Variants in MYO16 observed in about 807,000 individuals in gnomAD.
MYO16 encodes the protein myosin XVI, also known as unconventional myosin-XVI.
MYO16 carries 94 observed loss-of-function variants against 205.3 expected under a neutral mutation model. The ratio of observed to expected loss-of-function variants is 0.46; its 90% CI spans 0.39 to 0.54. The LOEUF is 0.54. Among genes scored for constraint, MYO16 ranks in the 20% least tolerant of loss-of-function variants. MYO16 has a pLI of 0.00. For missense variants in MYO16, 2,315 were observed against 2,387.5 expected (o/e 0.97, Z 0.63); for synonymous variants, 988 against 954.0 (o/e 1.04, Z -0.66).
chr13:109,002,766 A>G (rs888185842), intron 21 of MYO16, among the ~76,000 whole-genome samples: 1 of 152,186 alleles, frequency 6.6e-6, no homozygotes, highest in Non-Finnish European at 1.5e-5. Flanking sequence ...TCTTCACTCT[A>G]TCTTTCTCTG....
chr13:109,068,074 TAAAC>T (rs1275155877), intron 27 of MYO16, among the ~76,000 whole-genome samples: 1 of 152,018 alleles, frequency 6.6e-6, no homozygotes, highest in Non-Finnish European at 1.5e-5. Context: ...TCCAGGAAAA[TAAAC>T]AGAGATCTAT....
At chr13:109,111,609 A>C (rs1252627862) in intron 28 of MYO16, among the ~76,000 whole-genome samples, 1 of 152,236 alleles carries the variant, frequency 6.6e-6, no homozygotes, top group Non-Finnish European at 1.5e-5. Flanking sequence ...TTTTAATTGC[A>C]GAAAAGAAGC....
intron 8 of MYO16, among the ~76,000 whole-genome samples, chr13:108,822,056 C>G (rs1876003292): frequency 6.6e-6 from 1 of 152,000 alleles, no homozygotes; most frequent in Admixed American, 6.6e-5. Flanking sequence ...AAACCAGATG[C>G]AAGAATAGAG....
intron 4 of MYO16, among the ~76,000 whole-genome samples, chr13:108,782,058 C>T (rs1886321422): frequency 6.6e-6 from 1 of 152,082 alleles, no homozygotes; most frequent in African/African-American, 2.4e-5. Context: ...TGAAAAGATA[C>T]CCAAAAATGT....
rs78977988 is a variant in MYO16 at position 109,006,896 on chromosome 13, G to T, written c.2443-2001G>T. 6.6e-5 allele frequency among the ~76,000 whole-genome samples: 10 copies of T among 152,128 alleles called. No individual in the cohort carries two copies. In the East Asian group the frequency reaches 1.6e-3, roughly 24 times the overall value. ...CCCCTGGACACTCCAATATGAGCAG[G>T]CCAGGAGTCCACGAAGAGTCGGGAA... On this transcript the variant is annotated intron_variant, in intron 21 of 34. Transcript: ENST00000457511.
the MYO16 span, among the ~76,000 whole-genome samples, chr13:108,586,828 T>C: frequency 6.6e-6 from 1 of 152,212 alleles, no homozygotes; most frequent in Admixed American, 6.5e-5. Flanking sequence ...ACTTTCAATT[T>C]CTATAAGGAC....
chr13:108,616,943 C>T (rs1879370992), intron 1 of MYO16, among the ~76,000 whole-genome samples: 1 of 152,090 alleles, frequency 6.6e-6, no homozygotes, highest in African/African-American at 2.4e-5. Context: ...GCTCCTTCCC[C>T]AGTATCCCCA....
chr13:108,716,034 G>A (rs962092026), intron 3 of MYO16, among the ~76,000 whole-genome samples: 1 of 151,888 alleles, frequency 6.6e-6, no homozygotes, highest in African/African-American at 2.4e-5. Context: ...TTGCTTCTCC[G>A]TAGATCTTGT....
At chr13:108,614,816 CA>C (rs1462273208) in intron 1 of MYO16, among the ~76,000 whole-genome samples, 1 of 122,462 alleles carries the variant, frequency 8.2e-6, no homozygotes, top group Non-Finnish European at 1.8e-5. Flanking sequence ...CACAAATTAA[CA>C]AAAAAATAGA....
At chr13:109,119,232 G>T (rs553219602) in intron 28 of MYO16, among the ~76,000 whole-genome samples, 2 of 152,152 alleles carry the variant, frequency 1.3e-5, no homozygotes, top group African/African-American at 2.4e-5. Flanking sequence ...GTGTACACAC[G>T]TGCCAGCGTC....
chr13:108,642,504 G>A (rs1464521591), intron 1 of MYO16, among the ~76,000 whole-genome samples: 6 of 152,054 alleles, frequency 3.9e-5, no homozygotes, highest in Non-Finnish European at 7.4e-5. Flanking sequence ...GTGGAGTGGC[G>A]TGACCTTGGT....
At chr13:108,987,874 A>G in intron 20 of MYO16, among the ~76,000 whole-genome samples, 1 of 152,352 alleles carries the variant, frequency 6.6e-6, no homozygotes, top group Non-Finnish European at 1.5e-5. Context: ...TAAGATAGGC[A>G]TTCTCTTTAA....
chr13:108,773,181 A>AG (rs1886023241), intron 4 of MYO16, among the ~76,000 whole-genome samples: 9 of 152,132 alleles, frequency 5.9e-5, no homozygotes, highest in Admixed American at 5.2e-4. Flanking sequence ...CATCTTCCAA[A>AG]GGCCCCACCT....
At chr13:108,738,374 G>C (rs1884780082) in intron 4 of MYO16, among the ~76,000 whole-genome samples, 1 of 151,706 alleles carries the variant, frequency 6.6e-6, no homozygotes, top group East Asian at 1.9e-4. Flanking sequence ...CTTTATTTCT[G>C]CCTTCATTTC....
intron 2 of MYO16, among the ~76,000 whole-genome samples, chr13:108,684,902 A>G (rs1020958656): frequency 2.6e-5 from 4 of 152,136 alleles, no homozygotes; most frequent in African/African-American, 9.7e-5. Context: ...CCAGCTGTTC[A>G]TCACTCTGTG....
chr13:108,703,803 G>T (rs1883398540), intron 2 of MYO16, among the ~76,000 whole-genome samples: 1 of 152,092 alleles, frequency 6.6e-6, no homozygotes, highest in Non-Finnish European at 1.5e-5. Flanking sequence ...GCTAAATTTT[G>T]TCCTTCCCTG....
intron 34 of MYO16, among the ~76,000 whole-genome samples, chr13:109,187,053 C>T (rs916476633): frequency 6.6e-6 from 1 of 152,138 alleles, no homozygotes; most frequent in Non-Finnish European, 1.5e-5. Context: ...TTAATTTTTG[C>T]CAATATGATA....
chr13:108,871,350 G>A (rs12586111), intron 12 of MYO16, among the ~76,000 whole-genome samples: 40 of 147,314 alleles, frequency 2.7e-4, no homozygotes, highest in East Asian at 1.6e-3. Context: ...GTGTGTGTGT[G>A]TGTGTGTGTG....
At chr13:108,855,280 T>TG (rs1878107597) in intron 10 of MYO16, 163 bp from the exon 11 acceptor site, 5 of 403,718 alleles carry the variant, frequency 1.2e-5, no homozygotes, top group Admixed American at 7.7e-5. Flanking sequence ...TTTAGAGTTT[T>TG]TTTTTTTTTT....
Sources: allele counts gnomAD v4.1 joint callset (sites outside exome capture counted in the v4.1 genomes callset), GRCh38; gene constraint gnomAD v4.1.1; transcripts MANE v1.5; gene names NCBI Gene and HGNC (gene_info 2026-07-23, HGNC 2026-07-21).